Variants in KRT19 observed in about 807,000 individuals in gnomAD.
KRT19 encodes the protein keratin 19.
A neutral mutation model predicts 34.6 loss-of-function variants in KRT19; 21 were observed. The ratio of observed to expected loss-of-function variants is 0.61; its 90% confidence interval spans 0.43 to 0.87. The LOEUF is 0.87. Among genes scored for constraint, KRT19 ranks in the 40% least tolerant of loss-of-function variants. The probability of loss-of-function intolerance (pLI) is 0.00; values close to 1 mark genes in which losing one functional copy is unlikely to be tolerated. For synonymous variants in KRT19, 240 were observed against 245.8 expected, an observed-to-expected ratio of 0.98 and a Z score of 0.22; for missense variants, 514 against 545.7, an observed-to-expected ratio of 0.94 and a Z score of 0.58.
At chr17:41,524,342 C>T in intron 4 of KRT19, 37 bp downstream of exon 4, 1 of 1,612,490 alleles carries the variant, frequency 6.2e-7, no homozygotes, top group Non-Finnish European at 8.5e-7. Context: ...CCCTCCCCTT[C>T]CTAACCCCCA....
intron 1 of KRT19, 70 bp downstream of exon 1, chr17:41,527,758 T>C: frequency 6.7e-7 from 1 of 1,489,884 alleles, no homozygotes; most frequent in South Asian, 1.4e-5. Flanking sequence ...GCCTGGAACC[T>C]CGCCCGGCCC....
rs1461015987 is a variant in KRT19 at position 41,525,016 on chromosome 17, T to C, written c.504-17A>G. On this transcript the variant is annotated splice_polypyrimidine_tract_variant and intron_variant, in intron 2 of 5. Coordinates refer to ENST00000361566, the MANE Select transcript of KRT19 (RefSeq NM_002276.5). The stretch of plus-strand genomic sequence containing the variant: ...GTCTCAAACCTTTCAAAGGAAATAG[T>C]TGCAGCCAGGCAGAGCTTCCTCAGC... The C allele has an allele frequency of 1.9e-6, 3 of 1,611,276 alleles. No individual in the cohort carries two copies. The highest frequency in any genetic ancestry group is 1.3e-5 in the African/African-American group (1 of 74,874).
Position 41,528,155 on chromosome 17 carries a change from A to G in KRT19, c.93T>C (p.Phe31=), listed in dbSNP as rs780473902. 1 of 1,598,880 alleles carries G rather than the reference A, an allele frequency of 6.3e-7. No homozygotes were observed. The highest frequency in any genetic ancestry group is 1.1e-5 in the South Asian group (1 of 90,412). Residue 31 remains phenylalanine, a synonymous_variant, in exon 1 of 6, where the codon TTT becomes TTC. Transcript: ENST00000361566. Reference sequence around the variant, plus strand: ...AGCCCCCGTGAATGCTGGGCGCGCGAAAGGCGACCCCCGGCCCAAAACGCA... The same window carrying G: ...AGCCCCCGTGAATGCTGGGCGCGCGGAAGGCGACCCCCGGCCCAAAACGCA... ...GSVRFGPGVA[F]RAPSIHGGSG...
rs774591684 is a variant in KRT19, at chr17:41,528,187, C to T, written c.61G>A (p.Gly21Ser). ...ATSSFGGLGG[G>S]SVRFGPGVAF... ...ACCCCCGGCCCAAAACGCACGGAGCCGCCGCCCAGGCCTCCGAAGGACGAC... is the reference window on the plus strand; with the variant it reads ...ACCCCCGGCCCAAAACGCACGGAGCTGCCGCCCAGGCCTCCGAAGGACGAC... Residue 21 changes from glycine to serine, a missense_variant, in exon 1 of 6, where the codon GGC becomes AGC. Physicochemically the swap from Gly to Ser is moderately conservative, Grantham distance 56 (BLOSUM62 0). Coordinates refer to ENST00000361566, the MANE Select transcript of KRT19 (RefSeq NM_002276.5). 4.4e-6 allele frequency: 7 copies of T among 1,590,344 alleles called. No individual in the cohort carries two copies.
At chr17:41,525,972 GT>G (rs1259010458) in intron 1 of KRT19, among the ~76,000 whole-genome samples, 4 of 152,140 alleles carry the variant, frequency 2.6e-5, no homozygotes, top group Admixed American at 2.6e-4. Context: ...TTTTGGTTTT[GT>G]TTTTTGGGGT....
rs752262620 is a variant in KRT19, at chr17:41,527,807, C to A, written c.420+21G>T. ...TCCGCGGCAGGTGCACTGCACTTCC[C>A]GCGGCCGGGCCTCCGCCCACCTTGT... On this transcript the variant is annotated intron_variant, in intron 1 of 5. Coordinates refer to ENST00000361566, the MANE Select transcript of KRT19 (RefSeq NM_002276.5). 1.1e-5 allele frequency: 17 copies of A among 1,551,816 alleles called. No homozygotes were observed. The South Asian group carries it at 2.1e-4, about 19-fold the overall frequency.
At chr17:41,526,183 C>A (rs1905854227) in intron 1 of KRT19, among the ~76,000 whole-genome samples, 2 of 152,074 alleles carry the variant, frequency 1.3e-5, no homozygotes, top group African/African-American at 4.8e-5. Flanking sequence ...ACCGTGTTAG[C>A]CAGGATGGTC....
chr17:41,527,950 C>A lies in KRT19; in HGVS notation c.298G>T (p.Ala100Ser), dbSNP rs374919583. The change falls in exon 1 of 6, where the codon GCC becomes TCC. Residue 100 changes from alanine (A) to serine (S), a missense_variant. Ala to Ser is a moderately conservative substitution (Grantham distance 99, BLOSUM62 1). Transcript: ENST00000361566. ...RLASYLDKVR[A>S]LEAANGELEV... ...AGCTCGCCGTTGGCCGCCTCCAGGG[C>A]GCGCACCTTGTCCAGGTAGGAGGCC... 4 of 1,613,778 alleles carry A rather than the reference C, an allele frequency of 2.5e-6. No individual in the cohort carries two copies. The South Asian group carries it at 4.4e-5, about 18-fold the overall frequency.
chr17:41,527,667 C>A (rs1039479529), intron 1 of KRT19, among the ~76,000 whole-genome samples, 161 bp downstream of exon 1: 2 of 152,222 alleles, frequency 1.3e-5, no homozygotes, highest in African/African-American at 4.8e-5. Context: ...CGAGGTCCTG[C>A]CCCGCACGTC....
At position 41,527,985 on chromosome 17, in the gene KRT19, T is replaced by C. The variant is rs1905929184; in HGVS notation, c.263A>G (p.Asn88Ser). 6.2e-7 allele frequency: 1 copy of C among 1,613,642 alleles called. No individual in the cohort carries two copies. The highest frequency in any genetic ancestry group is 8.5e-7 in the Non-Finnish European group (1 of 1,179,878). The change falls in exon 1 of 6, where the codon AAC becomes AGC. Residue 88 changes from asparagine (N) to serine (S), a missense_variant. By Grantham distance (46) the Asn-to-Ser change is conservative (BLOSUM62 1). Coordinates refer to ENST00000361566, the MANE Select transcript of KRT19 (RefSeq NM_002276.5). The part of the protein sequence containing the change: ...GNEKLTMQNL[N>S]DRLASYLDKV... ...GTCCAGGTAGGAGGCCAGGCGGTCG[T>C]TGAGGTTCTGCATGGTTAGCTTCTC...
chr17:41,527,919 A>G lies in KRT19; in HGVS notation c.329T>C (p.Val110Ala), dbSNP rs763678710. Residue 110 changes from valine to alanine, a missense_variant, in exon 1 of 6, where the codon GTG becomes GCG. By Grantham distance (64) the Val-to-Ala change is moderately conservative. Transcript: ENST00000361566. ...ALEAANGELE[V>A]KIRDWYQKQG... ...CTTCTGGTACCAGTCGCGGATCTTC[A>G]CCTCTAGCTCGCCGTTGGCCGCCTC... The G allele has an allele frequency of 6.2e-7, 1 of 1,613,446 alleles. No homozygotes were observed.
rs1442581540 is a variant in KRT19, at chr17:41,524,470, T to A, written c.731A>T (p.Asp244Val). The stretch of plus-strand genomic sequence containing the variant: ...CATGTCACTCAGGATCTTGGCGAGA[T>A]CGGTGCCCGGAGCGGAATCCACCTC... ...SVEVDSAPGT[D>V]LAKILSDMRS... is the part of the protein sequence containing the mutation. The change falls in exon 4 of 6, where the codon GAT becomes GTT. Residue 244 changes from aspartate (D) to valine (V), a missense_variant. Physicochemically the swap from Asp to Val is radical, Grantham distance 152. Coordinates refer to ENST00000361566, the MANE Select transcript of KRT19 (RefSeq NM_002276.5). 2 of 1,614,116 alleles carry A rather than the reference T, an allele frequency of 1.2e-6. No homozygotes were observed. Among genetic ancestry groups the A allele is most frequent in the Non-Finnish European group, 1.7e-6 (2 of 1,180,024 alleles).
rs1208400296 is a variant in KRT19, at chr17:41,525,281, G to A, written c.421-8C>T. 6.2e-7 allele frequency: 1 copy of A among 1,605,070 alleles called. No individual in the cohort carries two copies. The highest frequency in any genetic ancestry group is 2.2e-5 in the East Asian group (1 of 44,822). On this transcript the variant is annotated splice_polypyrimidine_tract_variant and splice_region_variant and intron_variant, in intron 1 of 5. Coordinates refer to ENST00000361566, the MANE Select transcript of KRT19 (RefSeq NM_002276.5). ...AATGGTGGCACCAAGAATCTGGAAG[G>A]CAGAGGCAGAGGTTGGTACCAGTTC...
Position 41,527,833 on chromosome 17 carries a change from C to A in KRT19, c.415G>T (p.Asp139Tyr). The A allele has an allele frequency of 3.8e-6, 6 of 1,582,272 alleles. No homozygotes were observed. The highest frequency in any genetic ancestry group is 5.2e-6 in the Non-Finnish European group (6 of 1,161,446). ...GCGGCCGGGCCTCCGCCCACCTTGT[C>A]CCGCAGGTCCTGGATGGTCGTGTAG... is the stretch of plus-strand genomic sequence containing the variant. ...HYYTTIQDLR[D>Y]KILGATIENS... The change falls in exon 1 of 6, where the codon GAC becomes TAC. Residue 139 changes from aspartate (D) to tyrosine (Y), a missense_variant. By Grantham distance (160) the Asp-to-Tyr change is radical. Transcript: ENST00000361566.
chr17:41,527,148 G>T (rs974023337), intron 1 of KRT19, among the ~76,000 whole-genome samples: 1 of 62,318 alleles, frequency 1.6e-5, no homozygotes, highest in Non-Finnish European at 3.9e-5. Flanking sequence ...CTGTAAGAGC[G>T]TGTGACGCAG....
Position 41,527,908 on chromosome 17 carries a change from C to T in KRT19, c.340G>A (p.Asp114Asn), listed in dbSNP as rs1035921893. Residue 114 changes from aspartate to asparagine, a missense_variant, in exon 1 of 6, where the codon GAC becomes AAC. Asp to Asn is a conservative substitution (Grantham distance 23). Transcript: ENST00000361566. Reference protein sequence around the residue: ...ANGELEVKIRDWYQKQGPGPS... With the variant: ...ANGELEVKIRNWYQKQGPGPS... ...CCAGGCCCCTGCTTCTGGTACCAGT[C>T]GCGGATCTTCACCTCTAGCTCGCCG... 1 of 1,613,748 alleles carries T rather than the reference C, an allele frequency of 6.2e-7. No homozygotes were observed. Among genetic ancestry groups the T allele is most frequent in the Non-Finnish European group, 8.5e-7 (1 of 1,179,878 alleles).
chr17:41,526,331 C>T (rs1905861581), intron 1 of KRT19, among the ~76,000 whole-genome samples: 1 of 152,072 alleles, frequency 6.6e-6, no homozygotes, highest in Admixed American at 6.6e-5. Flanking sequence ...GGGGATTTCT[C>T]TTAGTATGGT....
chr17:41,523,760 C>T lies in KRT19; in HGVS notation c.1186G>A (p.Ala396Thr). 6.2e-7 allele frequency: 1 copy of T among 1,613,872 alleles called. No individual in the cohort carries two copies. Among genetic ancestry groups the T allele is most frequent in the Non-Finnish European group, 8.5e-7 (1 of 1,179,900 alleles). The change falls in exon 6 of 6, where the codon GCC (alanine) becomes ACC (threonine). Residue 396 changes from alanine to threonine, a missense_variant. Coordinates refer to ENST00000361566, the MANE Select transcript of KRT19 (RefSeq NM_002276.5). ...GQEDHYNNLS[A>T]SKVL Reference sequence around the variant, plus strand: ...CTGCTGCCTCAGAGGACCTTGGAGGCAGACAAATTGTTGTAGTGATCTTCC... The same window carrying T: ...CTGCTGCCTCAGAGGACCTTGGAGGTAGACAAATTGTTGTAGTGATCTTCC...
intron 1 of KRT19, 97 bp downstream of exon 1, chr17:41,527,731 C>T (rs750711279): frequency 8.8e-6 from 12 of 1,362,520 alleles, no homozygotes; most frequent in East Asian, 2.4e-5. Context: ...TCCTAACGGG[C>T]TCCTGCCCGC....
Sources: gnomAD v4.1 joint callset for allele counts (sites outside exome capture counted in the v4.1 genomes callset) on GRCh38, gnomAD v4.1.1 for gene constraint, MANE v1.5 for transcripts, NCBI Gene and HGNC (gene_info 2026-07-23, HGNC 2026-07-21) for gene names.